The following CLIP2 variants were observed in gnomAD, a reference collection of about 807,000 sequenced individuals.
CLIP2 encodes the protein CAP-Gly domain containing linker protein 2.
CLIP2 carries 41 observed loss-of-function variants against 111.7 expected under a neutral mutation model. The ratio of observed to expected loss-of-function variants is 0.37; its 90% CI spans 0.29 to 0.48. The LOEUF (loss-of-function observed/expected upper bound fraction) is 0.48. Ranked by LOEUF, CLIP2 falls within the 20% of genes least tolerant of loss-of-function variation. CLIP2 has a pLI of 0.99. For missense variants in CLIP2, 1,160 were observed against 1,422.1 expected (o/e 0.82, Z 2.96); for synonymous variants, 660 against 644.2 (o/e 1.02, Z -0.37).
At position 74,338,635 on chromosome 7, in the gene CLIP2, C is replaced by T. The variant is rs1554732635; in HGVS notation, c.309C>T (p.Phe103=). The part of the protein sequence containing the change: ...GVVQYLGETQ[F]APGQWAGVVL... ...TGCAGTATCTGGGAGAGACGCAGTT[C>T]GCACCGGGCCAGTGGGCTGGCGTGG... The change falls in exon 3 of 17, where the codon TTC becomes TTT. Residue 103 remains phenylalanine (F), a synonymous_variant. Transcript: ENST00000223398. The surrounding 1 kb of genome is among the most constrained non-coding windows in gnomAD (Gnocchi z 4.3). 1.9e-6 allele frequency: 3 copies of T among 1,564,602 alleles called. No homozygotes were observed. The highest frequency in any genetic ancestry group is 2.3e-5 in the South Asian group (2 of 85,948).
intron 13 of CLIP2, among the ~76,000 whole-genome samples, chr7:74,390,162 G>GAAGAAAGAGAAAGAAAGA (rs1416282970): frequency 3.1e-4 from 26 of 85,016 alleles, no homozygotes; most frequent in Admixed American, 6.4e-4. Flanking sequence ...AAGAAAGAAA[G>GAAGAAAGAGAAAGAAAGA]AAGAAAGAAA....
At chr7:74,347,458 T>C (rs977296205) in intron 3 of CLIP2, among the ~76,000 whole-genome samples, 24 of 152,162 alleles carry the variant, frequency 1.6e-4, no homozygotes, top group Admixed American at 1.1e-3. Flanking sequence ...TTAGTAGAGA[T>C]GGGGTTTCAC....
intron 1 of CLIP2, among the ~76,000 whole-genome samples, chr7:74,316,327 CT>C (rs1788773047): frequency 6.6e-6 from 1 of 152,108 alleles, no homozygotes; most frequent in East Asian, 1.9e-4. Context: ...TCACTGCAGC[CT>C]TGGCCTCTCA....
intron 10 of CLIP2, 131 bp from the exon 11 acceptor site, chr7:74,380,675 C>G: frequency 5.7e-6 from 4 of 698,698 alleles, no homozygotes; most frequent in Non-Finnish European, 9.5e-6. Flanking sequence ...GCAGCAAGTC[C>G]CTGAGTCCGT....
chr7:74,375,139 G>A lies in CLIP2; in HGVS notation c.1486-748G>A, dbSNP rs568227694. 2.4e-4 allele frequency among the ~76,000 whole-genome samples: 36 copies of A among 151,968 alleles called. No individual in the cohort carries two copies. The East Asian group carries it at 6.6e-3, about 28-fold the overall frequency. On this transcript the variant is annotated intron_variant, in intron 9 of 16. Transcript: ENST00000223398. Reference sequence around the variant, plus strand: ...GGCTCATGCCCATAGAGTCCCAGCTGCTTTTGAGGCTGAGGCAGGAAGATT... The same window carrying A: ...GGCTCATGCCCATAGAGTCCCAGCTACTTTTGAGGCTGAGGCAGGAAGATT...
chr7:74,393,881 G>A (rs1460890507), intron 13 of CLIP2, among the ~76,000 whole-genome samples: 3 of 152,162 alleles, frequency 2.0e-5, no homozygotes, highest in Non-Finnish European at 2.9e-5. Flanking sequence ...TGTTTTTCCA[G>A]TAGGAACAAA....
intron 13 of CLIP2, among the ~76,000 whole-genome samples, chr7:74,390,756 GTGGGTGGGGGAC>G (rs1791273232): frequency 7.5e-6 from 1 of 133,244 alleles, no homozygotes; most frequent in Non-Finnish European, 1.6e-5. Flanking sequence ...GGTGGGGGGG[GTGGGTGGGGGAC>G]TGGGCGGGGT....
chr7:74,383,061 T>C (rs1279441595), intron 11 of CLIP2, among the ~76,000 whole-genome samples: 3 of 132,052 alleles, frequency 2.3e-5, no homozygotes, highest in Non-Finnish European at 4.7e-5. Context: ...GCCTGAGCAA[T>C]AGAGTGAGAC....
intron 12 of CLIP2, among the ~76,000 whole-genome samples, chr7:74,387,919 T>C (rs1375928795): frequency 6.6e-6 from 1 of 152,166 alleles, no homozygotes; most frequent in Non-Finnish European, 1.5e-5. Flanking sequence ...CCGTGAGCGA[T>C]GCTCATGCCT....
At chr7:74,374,297 C>G (rs1554312406) in intron 9 of CLIP2, among the ~76,000 whole-genome samples, 2 of 152,224 alleles carry the variant, frequency 1.3e-5, no homozygotes, top group Non-Finnish European at 2.9e-5. Flanking sequence ...GCTCAGTGAC[C>G]ATGTGCTTGT....
At chr7:74,372,899 A>G in intron 8 of CLIP2, 33 bp from the exon 9 acceptor site, 2 of 84,056 alleles carry the variant, frequency 2.4e-5, no homozygotes, top group Non-Finnish European at 4.3e-5. Context: ...CCCCGCCCCC[A>G]CCCCCCCACC....
At chr7:74,375,016 G>A (rs1265404896) in intron 9 of CLIP2, among the ~76,000 whole-genome samples, 1 of 152,022 alleles carries the variant, frequency 6.6e-6, no homozygotes, top group Non-Finnish European at 1.5e-5. Flanking sequence ...GCAGGATAAT[G>A]CAAAATTCAC....
intron 13 of CLIP2, among the ~76,000 whole-genome samples, chr7:74,389,588 TAAAAAAAAAA>T (rs149173666): frequency 4.8e-5 from 5 of 104,660 alleles, no homozygotes; most frequent in Non-Finnish European, 9.4e-5. Context: ...CCCCTATCTC[TAAAAAAAAAA>T]AAAAAAAAAA....
chr7:74,358,832 A>G (rs561393255), intron 6 of CLIP2, among the ~76,000 whole-genome samples: 13 of 150,926 alleles, frequency 8.6e-5, no homozygotes, highest in African/African-American at 3.2e-4. Flanking sequence ...TGGTCTCTCA[A>G]AGCACCGCGA....
intron 16 of CLIP2, 103 bp downstream of exon 16, chr7:74,401,670 C>T (rs1791624897): frequency 1.6e-6 from 2 of 1,216,302 alleles, no homozygotes; most frequent in East Asian, 5.0e-5. Flanking sequence ...ATGCATTCTG[C>T]AAGAAGCTTT....
intron 13 of CLIP2, among the ~76,000 whole-genome samples, chr7:74,394,242 CTTATTTTTTTTT>C (rs1334883178): frequency 1.7e-5 from 2 of 119,736 alleles, no homozygotes; most frequent in African/African-American, 3.1e-5. Context: ...TCTTTTTCTT[CTTATTTTTTTTT>C]TTTTTTTTTT....
At chr7:74,353,765 C>T in intron 3 of CLIP2, 115 bp from the exon 4 acceptor site, 1 of 1,436,764 alleles carries the variant, frequency 7.0e-7, no homozygotes, top group Non-Finnish European at 9.8e-7. Flanking sequence ...CTCCTGGCTC[C>T]CGTGTCCTCT....
chr7:74,398,494 A>T (rs1554317058), intron 14 of CLIP2, among the ~76,000 whole-genome samples: 1 of 152,198 alleles, frequency 6.6e-6, no homozygotes, highest in East Asian at 1.9e-4. Context: ...TGCCTGGGAA[A>T]GCTGTCCTGA....
At chr7:74,384,488 C>T (rs1297255444) in intron 11 of CLIP2, among the ~76,000 whole-genome samples, 1 of 145,626 alleles carries the variant, frequency 6.9e-6, no homozygotes, top group Non-Finnish European at 1.5e-5. Context: ...CTCTGTCACC[C>T]AGGCTGGAGT....
Sources: gnomAD v4.1 joint callset for allele counts (sites outside exome capture counted in the v4.1 genomes callset) on GRCh38, gnomAD v4.1.1 for gene constraint, Gnocchi (gnomAD v3.1) non-coding constraint, MANE v1.5 for transcripts, NCBI Gene and HGNC (gene_info 2026-07-23, HGNC 2026-07-21) for gene names.